ARHGAP22: variants seen among roughly 807,000 people sequenced by gnomAD.
ARHGAP22 encodes rho GTPase-activating protein 22.
In ARHGAP22, 48 loss-of-function variants were observed where a neutral mutation model predicts 59.1. The observed-to-expected ratio is 0.81, with a 90% CI of 0.64 to 1.03. ARHGAP22 has a LOEUF of 1.03. ARHGAP22 is among the 50% of genes least tolerant of loss of function. ARHGAP22 has a pLI of 0.00. For synonymous variants in ARHGAP22, 445 were observed against 416.4 expected (o/e 1.07, Z -0.84); for missense variants, 1,015 against 958.7 (o/e 1.06, Z -0.78).
At chr10:48,540,849 C>T (rs189928623) in intron 3 of ARHGAP22, among the ~76,000 whole-genome samples, 12 of 152,102 alleles carry the variant, frequency 7.9e-5, no homozygotes, top group Admixed American at 6.5e-5. Flanking sequence ...TTAAAAGCAG[C>T]GCTTTGGAGC....
Position 48,646,480 on chromosome 10 carries a change from G to A in ARHGAP22, c.52+5754C>T, listed in dbSNP as rs144367514. The stretch of plus-strand genomic sequence containing the variant: ...ATAGTATGGTATAGGCACAAGGATA[G>A]GTCTACAGGTCAATAGAATATAATT... On this transcript the variant is annotated intron_variant, in intron 1 of 9. Coordinates refer to the ARHGAP22 transcript ENST00000435790. Among the ~76,000 whole-genome samples, 53 of 152,316 alleles carry A rather than the reference G, an allele frequency of 3.5e-4. 1 individual carries two copies. The East Asian group carries it at 9.8e-3, about 28-fold the overall frequency.
chr10:48,514,578 T>C (rs2053109170), intron 3 of ARHGAP22, among the ~76,000 whole-genome samples: 1 of 152,140 alleles, frequency 6.6e-6, no homozygotes, highest in Non-Finnish European at 1.5e-5. Flanking sequence ...TGATCAGACC[T>C]ACAAGAAATC....
intron 4 of ARHGAP22, among the ~76,000 whole-genome samples, chr10:48,470,961 G>A (rs1373557456): frequency 2.0e-5 from 3 of 152,184 alleles, no homozygotes; most frequent in Non-Finnish European, 4.4e-5. Context: ...ATGCCTCCAG[G>A]GCTTCCTTTT....
At position 48,550,668 on chromosome 10, in the gene ARHGAP22, A is replaced by T. The variant is rs565285258; in HGVS notation, c.322+4795T>A. Among the ~76,000 whole-genome samples, 6 of 152,344 alleles carry T rather than the reference A, an allele frequency of 3.9e-5. No homozygotes were observed. In the South Asian group the frequency reaches 1.2e-3, roughly 32 times the overall value. ...GGAGATCAACTGCCTGCCAATCACA[A>T]GTGTTCATTTTTGACTTTATATGAA... is the stretch of plus-strand genomic sequence containing the variant. On this transcript the variant is annotated intron_variant, in intron 3 of 9. Transcript: ENST00000249601.
intron 3 of ARHGAP22, among the ~76,000 whole-genome samples, chr10:48,519,384 G>T (rs149287283): frequency 4.6e-5 from 7 of 152,326 alleles, no homozygotes; most frequent in African/African-American, 1.7e-4. Context: ...CCAGCAAAGG[G>T]GCACAGGGTC....
intron 4 of ARHGAP22, among the ~76,000 whole-genome samples, chr10:48,473,537 GAGAA>G (rs1340226576): frequency 5.4e-5 from 4 of 74,236 alleles, no homozygotes; most frequent in Admixed American, 4.9e-4. Context: ...TTAGTACTCA[GAGAA>G]CGCTGAGGAC....
intron 5 of ARHGAP22, among the ~76,000 whole-genome samples, chr10:48,455,725 G>A (rs1243746906): frequency 1.3e-5 from 2 of 152,234 alleles, no homozygotes; most frequent in Admixed American, 6.5e-5. Flanking sequence ...CCCAGCCCGA[G>A]CTTGCCCTCT....
At chr10:48,549,097 T>A (rs537023980) in intron 3 of ARHGAP22, among the ~76,000 whole-genome samples, 2 of 152,342 alleles carry the variant, frequency 1.3e-5, no homozygotes, top group South Asian at 4.1e-4. Flanking sequence ...AGGAACTCAG[T>A]GAATGTTTAG....
At chr10:48,524,982 G>T (rs2054198335) in intron 3 of ARHGAP22, among the ~76,000 whole-genome samples, 1 of 152,204 alleles carries the variant, frequency 6.6e-6, no homozygotes, top group South Asian at 2.1e-4. Context: ...CAAGGACTTA[G>T]AACCCAAGTG....
chr10:48,449,680 C>A (rs368213179), intron 9 of ARHGAP22, among the ~76,000 whole-genome samples: 16 of 152,216 alleles, frequency 1.1e-4, no homozygotes, highest in African/African-American at 3.1e-4. Context: ...CAGAGGGCAA[C>A]CCCGGTCCTC....
At chr10:48,502,188 A>T (rs1405250938) in intron 3 of ARHGAP22, among the ~76,000 whole-genome samples, 1 of 152,202 alleles carries the variant, frequency 6.6e-6, no homozygotes, top group Non-Finnish European at 1.5e-5. Flanking sequence ...TTCACTTCTT[A>T]AAACCAGCCT....
chr10:48,617,287 A>G (rs1053379455), intron 1 of ARHGAP22, among the ~76,000 whole-genome samples: 1 of 152,002 alleles, frequency 6.6e-6, no homozygotes, highest in Non-Finnish European at 1.5e-5. Context: ...TCAGTGTTAG[A>G]CAGATTATTT....
chr10:48,609,997 C>T (rs1012931095), upstream of ARHGAP22, among the ~76,000 whole-genome samples: 4 of 152,220 alleles, frequency 2.6e-5, no homozygotes, highest in Non-Finnish European at 5.9e-5. Context: ...CTTGGTCTTC[C>T]TGCCATTGGG....
At chr10:48,560,602 G>A (rs1352170779) in intron 2 of ARHGAP22, among the ~76,000 whole-genome samples, 1 of 152,046 alleles carries the variant, frequency 6.6e-6, no homozygotes, top group Non-Finnish European at 1.5e-5. Flanking sequence ...ACAGCTTTTA[G>A]TCTTTCACCA....
intron 3 of ARHGAP22, among the ~76,000 whole-genome samples, chr10:48,512,871 G>A (rs2052921309): frequency 6.6e-6 from 1 of 152,168 alleles, no homozygotes; most frequent in African/African-American, 2.4e-5. Flanking sequence ...ATAAAGATTA[G>A]GTAAGGGGGA....
At position 48,648,472 on chromosome 10, in the gene ARHGAP22, A is replaced by C. The variant is rs183294907; in HGVS notation, c.52+3762T>G. Among the ~76,000 whole-genome samples the C allele has an allele frequency of 5.3e-4, 80 of 152,144 alleles. 1 individual carries two copies. Among genetic ancestry groups the C allele is most frequent in the African/African-American group, 1.7e-3 (70 of 41,476 alleles). ...CTGACGTGAGACCATTCACAAGCTC[A>C]CTGTTTCTCGGGCCTCTGGTCTGGC... On this transcript the variant is annotated intron_variant, in intron 1 of 9. Coordinates refer to the ARHGAP22 transcript ENST00000435790.
rs1338908977 is a variant in ARHGAP22 at position 48,571,833 on chromosome 10, G to A, written c.234+11120C>T. On this transcript the variant is annotated intron_variant, in intron 2 of 9. Coordinates refer to ENST00000249601, the MANE Select transcript of ARHGAP22 (RefSeq NM_021226.4). ...CTCACTCATTCATCTAGGCTGTGTG[G>A]TTTTTCTCTCATTCACGCTTCCTCA... 5.3e-5 allele frequency among the ~76,000 whole-genome samples: 8 copies of A among 152,180 alleles called. 1 individual carries two copies. Among genetic ancestry groups the A allele is most frequent in the Admixed American group, 5.2e-4 (8 of 15,280 alleles).
chr10:48,610,660 A>G (rs1255179605), intron 1 of ARHGAP22, among the ~76,000 whole-genome samples: 1 of 152,094 alleles, frequency 6.6e-6, no homozygotes, highest in East Asian at 1.9e-4. Context: ...TTTGCTCAGG[A>G]AAGGAGGGAA....
chr10:48,500,440 T>A (rs116694894), intron 3 of ARHGAP22, among the ~76,000 whole-genome samples: 2,191 of 152,070 alleles, frequency 0.014, 61 homozygotes, highest in African/African-American at 0.05. Context: ...CACACACATA[T>A]GGGAGTTTGG....
Sources: gnomAD v4.1 joint callset for allele counts (sites outside exome capture counted in the v4.1 genomes callset) on GRCh38, gnomAD v4.1.1 for gene constraint, MANE v1.5 for transcripts, NCBI Gene and HGNC (gene_info 2026-07-23, HGNC 2026-07-21) for gene names.